DDI2: variants seen among roughly 807,000 people sequenced by gnomAD.
The protein encoded by DDI2 is DDI proteasomal shuttling factor 2.
DDI2 carries 5 observed loss-of-function variants against 48.1 expected under a neutral mutation model. The observed-to-expected ratio is 0.10, with a 90% CI of 0.05 to 0.22. DDI2 has a LOEUF of 0.22. Ranked by LOEUF, DDI2 falls within the 10% of genes least tolerant of loss-of-function variation. DDI2 has a pLI of 1.00. For missense variants in DDI2, 285 were observed against 506.2 expected (o/e 0.56, Z 4.19); for synonymous variants, 205 against 183.6 (o/e 1.12, Z -0.94).
intron 3 of DDI2, 28 bp from the exon 4 acceptor site, chr1:15,633,411 T>G (rs1639878124): frequency 1.2e-6 from 2 of 1,607,800 alleles, no homozygotes; most frequent in African/African-American, 1.3e-5. Flanking sequence ...ATAGTGATAT[T>G]TAAGATTTTT....
At chr1:15,647,848 C>T (rs988183842) in intron 6 of DDI2, among the ~76,000 whole-genome samples, 5 of 152,054 alleles carry the variant, frequency 3.3e-5, no homozygotes, top group Non-Finnish European at 7.3e-5. Flanking sequence ...CCTGTAGTCC[C>T]AGCTACTCAG....
rs1472728171 is a variant in DDI2, at chr1:15,649,730, G to C, written c.900G>C (p.Gln300His). 6.2e-7 allele frequency: 1 copy of C among 1,612,492 alleles called. No individual in the cohort carries two copies. The highest frequency in any genetic ancestry group is 8.5e-7 in the Non-Finnish European group (1 of 1,179,460). Residue 300 changes from glutamine (Q) to histidine (H), a missense_variant, in exon 7 of 10, where the codon CAG becomes CAC. By Grantham distance (24) the Gln-to-His change is conservative. Transcript: ENST00000480945. ...IIGRVHLAQV[Q>H]IEGDFLPCSF... ...TCATGTGCTTTTTAGCTCAGGTTCA[G>C]ATTGAAGGAGATTTTTTGCCATGTT... is the stretch of plus-strand genomic sequence containing the variant.
At chr1:15,633,296 G>GTAAT in intron 3 of DDI2, 143 bp from the exon 4 acceptor site, 3 of 890,434 alleles carry the variant, frequency 3.4e-6, no homozygotes, top group Middle Eastern at 7.8e-4. Flanking sequence ...GAAAGTAAAT[G>GTAAT]TAATTGCTCA....
chr1:15,640,619 A>G (rs952639335), intron 5 of DDI2, among the ~76,000 whole-genome samples: 18 of 152,232 alleles, frequency 1.2e-4, no homozygotes, highest in African/African-American at 3.4e-4. Flanking sequence ...GCTTTGGAAA[A>G]TGCAGGAGAG....
At chr1:15,632,605 A>G (rs2103466445) in intron 3 of DDI2, among the ~76,000 whole-genome samples, 1 of 152,314 alleles carries the variant, frequency 6.6e-6, no homozygotes, top group Admixed American at 6.5e-5. Flanking sequence ...TTTCTCTACT[A>G]ATTTTCCTGC....
Position 15,633,494 on chromosome 1 carries a change from A to G in DDI2, c.561A>G (p.Gln187=), listed in dbSNP as rs1639879616. ...AGCAGGACCGAGCCCGGAGAGAGCA[A>G]GAAAGGATTCGTCTGTTTTCTGCTG... is the stretch of plus-strand genomic sequence containing the variant. ...EQQQDRARRE[Q]ERIRLFSADP... Residue 187 remains glutamine, a synonymous_variant, in exon 4 of 10, where the codon CAA becomes CAG. Coordinates refer to ENST00000480945, the MANE Select transcript of DDI2 (RefSeq NM_032341.5). 1 of 1,613,892 alleles carries G rather than the reference A, an allele frequency of 6.2e-7. No homozygotes were observed. Among genetic ancestry groups the G allele is most frequent in the Non-Finnish European group, 8.5e-7 (1 of 1,179,818 alleles).
chr1:15,650,846 C>G (rs983557030), intron 7 of DDI2, among the ~76,000 whole-genome samples: 2 of 151,842 alleles, frequency 1.3e-5, no homozygotes, highest in Non-Finnish European at 2.9e-5. Flanking sequence ...ACACAGCATT[C>G]TATTTATTTA....
In DDI2 at chr1:15,663,684, G is replaced by T. The variant is rs1640412223; in HGVS notation, c.*3894G>T. ...CTGTGATTGTAATTAAATAGTTGGT[G>T]CTATGATTGATGCAAAATCTAGTAG... On this transcript the variant is annotated 3_prime_UTR_variant, in exon 10 of 10. Coordinates refer to ENST00000480945, the MANE Select transcript of DDI2 (RefSeq NM_032341.5). The T allele has an allele frequency of 6.6e-6, 1 of 152,036 alleles. No homozygotes were observed. Among genetic ancestry groups the T allele is most frequent in the South Asian group, 2.1e-4 (1 of 4,818 alleles). 9.4% of individuals were successfully genotyped at this position (152,036 alleles called of 1,614,324 possible).
Position 15,661,137 on chromosome 1 carries a change from A to C in DDI2, c.*1347A>C. On this transcript the variant is annotated 3_prime_UTR_variant, in exon 10 of 10. Transcript: ENST00000480945. ...CCTTTCATCAGGCCATATCTGTATCAGTGGAGACAGAAAAATTAACAGGTA... is the reference window on the plus strand; with the variant it reads ...CCTTTCATCAGGCCATATCTGTATCCGTGGAGACAGAAAAATTAACAGGTA... 6.2e-7 allele frequency: 1 copy of C among 1,614,092 alleles called. No individual in the cohort carries two copies. Among genetic ancestry groups the C allele is most frequent in the South Asian group, 1.1e-5 (1 of 91,058 alleles).
Position 15,666,080 on chromosome 1 carries a change from C to A in DDI2, c.*6290C>A, listed in dbSNP as rs1640448477. ...TAGGAGGTAGAGAAAATAAAAATAG[C>A]TTTTTTTTCCCTAGAATTGCTAATT... is the stretch of plus-strand genomic sequence containing the variant. On this transcript the variant is annotated 3_prime_UTR_variant, in exon 10 of 10. Coordinates refer to ENST00000480945, the MANE Select transcript of DDI2 (RefSeq NM_032341.5). The A allele has an allele frequency of 6.6e-6, 1 of 151,914 alleles. No homozygotes were observed. Among genetic ancestry groups the A allele is most frequent in the Non-Finnish European group, 1.5e-5 (1 of 67,960 alleles). 9.4% of individuals were successfully genotyped at this position (151,914 alleles called of 1,614,324 possible).
intron 7 of DDI2, among the ~76,000 whole-genome samples, chr1:15,650,700 C>T (rs528402932): frequency 6.6e-6 from 1 of 152,140 alleles, no homozygotes; most frequent in East Asian, 1.9e-4. Context: ...TACACTTCAG[C>T]CTGGGTAACA....
chr1:15,662,207 T>C lies in DDI2; in HGVS notation c.*2417T>C, dbSNP rs10492986. The C allele has an allele frequency of 0.31, 47,867 of 153,838 alleles. 8,189 individuals carry two copies. The highest frequency in any genetic ancestry group is 0.43 in the African/African-American group (17,827 of 41,504). 9.5% of individuals were successfully genotyped at this position (153,838 alleles called of 1,614,324 possible). On this transcript the variant is annotated 3_prime_UTR_variant, in exon 10 of 10. Coordinates refer to ENST00000480945, the MANE Select transcript of DDI2 (RefSeq NM_032341.5). The stretch of plus-strand genomic sequence containing the variant: ...TTTAGAAACTTTTGACCACATAATT[T>C]GGTGTTTGGAATTCTACCCAGTGCT...
At chr1:15,658,335 A>C (rs1373916155) in intron 9 of DDI2, among the ~76,000 whole-genome samples, 2 of 151,614 alleles carry the variant, frequency 1.3e-5, no homozygotes, top group African/African-American at 4.8e-5. Context: ...TTTTTAGTAG[A>C]GATGAGGTTT....
intron 8 of DDI2, 60 bp from the exon 9 acceptor site, chr1:15,656,557 C>T (rs191325680): frequency 2.5e-6 from 4 of 1,613,980 alleles, no homozygotes; most frequent in East Asian, 4.5e-5. Flanking sequence ...TATAACCCTG[C>T]ATGCTGTGTG....
chr1:15,619,186 TC>T (rs1429368467), intron 1 of DDI2, among the ~76,000 whole-genome samples: 2 of 152,168 alleles, frequency 1.3e-5, no homozygotes, highest in African/African-American at 2.4e-5. Context: ...AGTGGTGCGT[TC>T]TCGACTCACT....
intron 8 of DDI2, among the ~76,000 whole-genome samples, chr1:15,652,592 G>A (rs1291044820): frequency 6.6e-6 from 1 of 151,886 alleles, no homozygotes; most frequent in Non-Finnish European, 1.5e-5. Flanking sequence ...GGGAGGCTGA[G>A]GCAGGTGGAT....
Position 15,667,230 on chromosome 1 carries a change from A to G in DDI2, c.*7440A>G, listed in dbSNP as rs1178025746. On this transcript the variant is annotated 3_prime_UTR_variant, in exon 10 of 10. Transcript: ENST00000480945. ...AAAAAAAAAAAAAATTTTTTTTTAA[A>G]TGGAATCAGAGAAACCAACAAAATA... is the stretch of plus-strand genomic sequence containing the variant. The G allele has an allele frequency of 1.3e-5, 2 of 152,154 alleles. No individual in the cohort carries two copies. Among genetic ancestry groups the G allele is most frequent in the Non-Finnish European group, 2.9e-5 (2 of 68,050 alleles). The allele number at this position is 152,154 out of a possible 1,614,324, so 9.4% of individuals were successfully genotyped here.
intron 8 of DDI2, among the ~76,000 whole-genome samples, chr1:15,653,722 C>G (rs1400276661): frequency 6.6e-6 from 1 of 152,004 alleles, no homozygotes. Flanking sequence ...GTCTTGAACT[C>G]CTGGGCTCAA....
intron 8 of DDI2, 123 bp from the exon 9 acceptor site, chr1:15,656,494 T>G: frequency 5.7e-6 from 9 of 1,592,606 alleles, no homozygotes; most frequent in Non-Finnish European, 7.7e-6. Flanking sequence ...GAAACATCCC[T>G]CAACTTGGAA....
Sources: gnomAD v4.1 joint callset for allele counts (sites outside exome capture counted in the v4.1 genomes callset) on GRCh38, gnomAD v4.1.1 for gene constraint, MANE v1.5 for transcripts, NCBI Gene and HGNC (gene_info 2026-07-23, HGNC 2026-07-21) for gene names.